Variants in GPM6A observed in about 807,000 individuals in gnomAD.
GPM6A encodes the protein neuronal membrane glycoprotein M6-a.
GPM6A carries 7 observed loss-of-function variants against 32.1 expected under a neutral mutation model. The observed-to-expected ratio is 0.22, with a 90% CI of 0.12 to 0.41. The LOEUF is 0.41. Among genes scored for constraint, GPM6A ranks in the 10% least tolerant of loss-of-function variants. The pLI, the probability that GPM6A is intolerant of heterozygous loss-of-function variation, is 1.00. For missense variants in GPM6A, 235 were observed against 347.2 expected (o/e 0.68, Z 2.57); for synonymous variants, 130 against 123.4 (o/e 1.05, Z -0.35).
At chr4:175,658,403 G>T (rs1277235672) in intron 3 of GPM6A, among the ~76,000 whole-genome samples, 2 of 152,242 alleles carry the variant, frequency 1.3e-5, no homozygotes, top group East Asian at 1.9e-4. Context: ...AAGATCAGTG[G>T]TTGCCAAGTG....
rs147469498 is a variant in GPM6A, at chr4:175,804,446, G to GT, written c.37+7744dup. The stretch of plus-strand genomic sequence containing the variant: ...TTTTTTCTCTGGATGTTTGTGTGAG[G>GT]TTTTCTCTTAGTTTCCTGTAGAGTT... On this transcript the variant is annotated intron_variant, in intron 1 of 6. Coordinates refer to ENST00000393658, the MANE Select transcript of GPM6A (RefSeq NM_201591.3). Among the ~76,000 whole-genome samples, 1,090 of 152,128 alleles carry GT rather than the reference G, an allele frequency of 7.2e-3. 13 individuals are homozygous for GT. Among genetic ancestry groups the GT allele is most frequent in the African/African-American group, 0.025 (1,020 of 41,498 alleles).
At chr4:175,897,364 C>T (rs1387735507) in intron 1 of GPM6A, among the ~76,000 whole-genome samples, 2 of 152,240 alleles carry the variant, frequency 1.3e-5, no homozygotes, top group African/African-American at 4.8e-5. Context: ...CACTCCAGTG[C>T]CTCCCATTGA....
At chr4:175,775,485 T>C (rs1210361350) in intron 1 of GPM6A, among the ~76,000 whole-genome samples, 2 of 152,134 alleles carry the variant, frequency 1.3e-5, no homozygotes, top group Non-Finnish European at 2.9e-5. Flanking sequence ...CCTAGATTTT[T>C]CCATTAACTC....
At chr4:175,785,980 C>A (rs1733782354) in intron 1 of GPM6A, among the ~76,000 whole-genome samples, 1 of 151,986 alleles carries the variant, frequency 6.6e-6, no homozygotes, top group Non-Finnish European at 1.5e-5. Context: ...GCCATAAACA[C>A]TTCGATAGAG....
intron 1 of GPM6A, among the ~76,000 whole-genome samples, chr4:175,988,880 T>C (rs1021352602): frequency 1.3e-5 from 2 of 152,112 alleles, no homozygotes. Flanking sequence ...AAAGAGTAGA[T>C]TTTTTTCATA....
At chr4:175,718,940 A>G (rs969441276) in intron 1 of GPM6A, among the ~76,000 whole-genome samples, 1 of 152,188 alleles carries the variant, frequency 6.6e-6, no homozygotes, top group African/African-American at 2.4e-5. Flanking sequence ...GAAAAATTAG[A>G]AATTAAAAAA....
At chr4:175,767,887 T>C (rs1201614324) in intron 1 of GPM6A, among the ~76,000 whole-genome samples, 1 of 152,248 alleles carries the variant, frequency 6.6e-6, no homozygotes, top group Non-Finnish European at 1.5e-5. Context: ...ATTCTTTATA[T>C]AGAAGATGTC....
chr4:175,646,585 T>C (rs1741476340), intron 4 of GPM6A, among the ~76,000 whole-genome samples: 1 of 152,212 alleles, frequency 6.6e-6, no homozygotes, highest in Admixed American at 6.5e-5. Flanking sequence ...AATTGAGCAG[T>C]ACTAGCACAT....
At chr4:175,812,721 C>G, upstream of GPM6A, 1 of 985,576 alleles carries the variant, frequency 1.0e-6, no homozygotes, top group Middle Eastern at 5.2e-4. Flanking sequence ...AGCCGACCAC[C>G]AACCCGTAAT....
rs370820416 is a variant in GPM6A, at chr4:175,934,036, A to T, written c.-23+68273T>A. On this transcript the variant is annotated intron_variant, in intron 1 of 7. Transcript: ENST00000280187. ...GGAGTAAAAGAAACCACATATCAAAAGTTACATCCATTTATATTAAATTCT... is the reference window on the plus strand; with the variant it reads ...GGAGTAAAAGAAACCACATATCAAATGTTACATCCATTTATATTAAATTCT... 5.2e-4 allele frequency among the ~76,000 whole-genome samples: 79 copies of T among 152,354 alleles called. 1 individual carries two copies. The South Asian group carries it at 0.016, about 31-fold the overall frequency.
chr4:175,887,608 T>C (rs184653210), intron 1 of GPM6A, among the ~76,000 whole-genome samples: 252 of 152,022 alleles, frequency 1.7e-3, no homozygotes, highest in Non-Finnish European at 3.3e-3. Flanking sequence ...TCAAACCTAG[T>C]GTTCTAGATG....
chr4:175,918,416 A>G (rs1738562871), intron 1 of GPM6A, among the ~76,000 whole-genome samples: 1 of 152,170 alleles, frequency 6.6e-6, no homozygotes, highest in Non-Finnish European at 1.5e-5. Flanking sequence ...AGTAGGGAAA[A>G]GAAATGAGGC....
chr4:175,760,051 A>G (rs1379591206), intron 1 of GPM6A, among the ~76,000 whole-genome samples: 2 of 152,022 alleles, frequency 1.3e-5, no homozygotes, highest in African/African-American at 4.8e-5. Flanking sequence ...GTGATGGTGC[A>G]TGCCTGTAAT....
At chr4:175,801,630 GATAA>G (rs1734474901) in intron 1 of GPM6A, among the ~76,000 whole-genome samples, 1 of 152,042 alleles carries the variant, frequency 6.6e-6, no homozygotes, top group Non-Finnish European at 1.5e-5. Flanking sequence ...GAGCGTGTCA[GATAA>G]ATAAATACAC....
In GPM6A at chr4:175,673,662, T is replaced by C. The variant is rs1743205050; in HGVS notation, c.387+18A>G. 3 of 1,570,440 alleles carry C rather than the reference T, an allele frequency of 1.9e-6. No individual in the cohort carries two copies. The highest frequency in any genetic ancestry group is 1.2e-5 in the South Asian group (1 of 86,166). On this transcript the variant is annotated intron_variant, in intron 3 of 6. Coordinates refer to ENST00000393658, the MANE Select transcript of GPM6A (RefSeq NM_201591.3). ...AAATCAATCCACATTAAATACTGAA[T>C]GTAGAGAACTAACATACCCAAGCGC...
chr4:175,922,825 A>T (rs888869568), intron 1 of GPM6A, among the ~76,000 whole-genome samples: 1 of 152,174 alleles, frequency 6.6e-6, no homozygotes, highest in Non-Finnish European at 1.5e-5. Flanking sequence ...TACCTAACAT[A>T]AAATTTAATT....
rs548780413 is a variant in GPM6A at position 175,634,689 on chromosome 4, A to C, written c.*216T>G. 1 of 476,194 alleles carries C rather than the reference A, an allele frequency of 2.1e-6. No homozygotes were observed. Among genetic ancestry groups the C allele is most frequent in the Non-Finnish European group, 3.7e-6 (1 of 269,866 alleles). 29.5% of individuals were successfully genotyped at this position (476,194 alleles called of 1,614,324 possible). A position where few individuals can be genotyped will look rare whatever the true frequency, so the allele number is the denominator to read the frequency against. On this transcript the variant is annotated 3_prime_UTR_variant, in exon 7 of 7. Coordinates refer to ENST00000393658, the MANE Select transcript of GPM6A (RefSeq NM_201591.3). Reference sequence around the variant, plus strand: ...TGAGAAATTTCAAAAAAAAGGCTGGATAGGAGCTTGTAGAAAAGATCTGAT... The same window carrying C: ...TGAGAAATTTCAAAAAAAAGGCTGGCTAGGAGCTTGTAGAAAAGATCTGAT...
At chr4:175,880,503 T>C (rs1737237014) in intron 1 of GPM6A, among the ~76,000 whole-genome samples, 1 of 152,226 alleles carries the variant, frequency 6.6e-6, no homozygotes, top group Non-Finnish European at 1.5e-5. Flanking sequence ...ATGATATTGA[T>C]TCTTCCTATC....
chr4:175,740,617 A>G (rs1306234406), intron 1 of GPM6A, among the ~76,000 whole-genome samples: 1 of 152,072 alleles, frequency 6.6e-6, no homozygotes, highest in Non-Finnish European at 1.5e-5. Flanking sequence ...GATTGGAGGT[A>G]GGTAAAATTT....
Sources: gnomAD v4.1 joint callset for allele counts (sites outside exome capture counted in the v4.1 genomes callset) on GRCh38, gnomAD v4.1.1 for gene constraint, MANE v1.5 for transcripts, NCBI Gene and HGNC (gene_info 2026-07-23, HGNC 2026-07-21) for gene names.